The following CEP350 variants were observed in gnomAD, a reference collection of about 807,000 sequenced individuals.
The protein encoded by CEP350 is centrosome-associated protein 350.
CEP350 carries 126 observed loss-of-function variants against 331.8 expected under a neutral mutation model. That is an observed-to-expected ratio of 0.38 (90% confidence interval 0.33 to 0.44). The LOEUF is 0.44. CEP350 is among the 20% of genes least tolerant of loss of function. The pLI is 1.00. For synonymous variants in CEP350, 1,200 were observed against 1,259.5 expected, an observed-to-expected ratio of 0.95 and a Z score of 1.00; for missense variants, 3,406 against 3,634.6, an observed-to-expected ratio of 0.94 and a Z score of 1.62.
rs766520949 is a variant in CEP350, at chr1:180,036,915, A to C, written c.3947-11A>C. On this transcript the variant is annotated splice_polypyrimidine_tract_variant and intron_variant, in intron 16 of 37. Coordinates refer to ENST00000367607, the MANE Select transcript of CEP350 (RefSeq NM_014810.5). ...TTAACTTTTCCATTTGACCATTGTC[A>C]TGCCTTCCAGGTTCTAAGCGCTTTT... The C allele has an allele frequency of 1.3e-6, 2 of 1,526,588 alleles. No homozygotes were observed. The highest frequency in any genetic ancestry group is 4.7e-5 in the East Asian group (2 of 42,568). The allele number at this position is 1,526,588 out of a possible 1,614,324, so 94.6% of individuals were successfully genotyped here. A position where few individuals can be genotyped will look rare whatever the true frequency, so the allele number is the denominator to read the frequency against.
rs962659144 is a variant in CEP350, at chr1:180,112,140, G to A, written c.*979G>A. On this transcript the variant is annotated 3_prime_UTR_variant, in exon 38 of 38. Coordinates refer to ENST00000367607, the MANE Select transcript of CEP350 (RefSeq NM_014810.5). ...GATATTGTCTATTGTTTGTGTGCTTGTTTTGCGCTATGGAACATTTTTTAA... is the reference window on the plus strand; with the variant it reads ...GATATTGTCTATTGTTTGTGTGCTTATTTTGCGCTATGGAACATTTTTTAA... 3.3e-5 allele frequency: 5 copies of A among 152,722 alleles called. No individual in the cohort carries two copies. Among genetic ancestry groups the A allele is most frequent in the Admixed American group, 2.6e-4 (4 of 15,304 alleles). The allele number at this position is 152,722 out of a possible 1,614,324, so 9.5% of individuals were successfully genotyped here.
At chr1:180,065,436 AG>A (rs1208371087) in intron 27 of CEP350, among the ~76,000 whole-genome samples, 164 bp downstream of exon 27, 1 of 152,188 alleles carries the variant, frequency 6.6e-6, no homozygotes, top group Non-Finnish European at 1.5e-5. Context: ...AATTAACTGT[AG>A]ATCTTATTTA....
At chr1:179,981,827 A>T (rs1158574710) in intron 1 of CEP350, among the ~76,000 whole-genome samples, 1 of 151,676 alleles carries the variant, frequency 6.6e-6, no homozygotes, top group Non-Finnish European at 1.5e-5. Context: ...GTGAGACCTC[A>T]TCTCTATAAA....
rs748496638 is a variant in CEP350, at chr1:180,014,300, A to C, written c.1847A>C (p.Lys616Thr). 1.3e-6 allele frequency: 2 copies of C among 1,594,726 alleles called. No individual in the cohort carries two copies. The highest frequency in any genetic ancestry group is 3.6e-5 in the Admixed American group (2 of 56,326). ...ERKRKQNEEK[K>T]AQKEATEQKN... ...AAGAGAAAGCAAAATGAAGAGAAGAAGGCTCAAAAGGAGGCTACAGAACAG... is the reference window on the plus strand; with the variant it reads ...AAGAGAAAGCAAAATGAAGAGAAGACGGCTCAAAAGGAGGCTACAGAACAG... Residue 616 changes from lysine (K) to threonine (T), a missense_variant, in exon 10 of 38, where the codon AAG becomes ACG. By Grantham distance (78) the Lys-to-Thr change is moderately conservative. This residue lies in a region of CEP350 where 1,857 missense variants were observed against 1,909.2 expected (regional missense o/e 0.97). Transcript: ENST00000367607.
intron 27 of CEP350, among the ~76,000 whole-genome samples, chr1:180,072,810 A>G (rs2149052367): frequency 6.6e-6 from 1 of 152,282 alleles, no homozygotes; most frequent in East Asian, 1.9e-4. Context: ...AGATTTTCTC[A>G]CTTCTATGAC....
Position 180,031,424 on chromosome 1 carries a change from T to C in CEP350, c.3655T>C (p.Ser1219Pro), listed in dbSNP as rs781607467. Reference protein sequence around the residue: ...GKKSGTSSKLSVKDFEQTLDT... With the variant: ...GKKSGTSSKLPVKDFEQTLDT... ...GAAATCTGGGACCAGCAGCAAACTT[T>C]CTGTTAAAGATTTTGAGCAGACTCT... The change falls in exon 15 of 38, where the codon TCT (serine) becomes CCT (proline). Residue 1219 changes from serine to proline, a missense_variant. Coordinates refer to ENST00000367607, the MANE Select transcript of CEP350 (RefSeq NM_014810.5). The C allele has an allele frequency of 3.1e-6, 5 of 1,604,416 alleles. No individual in the cohort carries two copies. Among genetic ancestry groups the C allele is most frequent in the East Asian group, 4.5e-5 (2 of 44,406 alleles).
intron 1 of CEP350, among the ~76,000 whole-genome samples, chr1:179,981,676 A>G (rs1366670377): frequency 1.3e-5 from 2 of 152,260 alleles, no homozygotes; most frequent in East Asian, 3.9e-4. Flanking sequence ...CAGGTGCTTC[A>G]TGAGAATAGA....
intron 5 of CEP350, among the ~76,000 whole-genome samples, chr1:179,994,811 T>TAA (rs1653356556): frequency 1.3e-5 from 2 of 152,170 alleles, no homozygotes; most frequent in Non-Finnish European, 1.5e-5. Context: ...TTTTGGGTTG[T>TAA]GGACCCCAGT....
chr1:179,996,894 A>G lies in CEP350; in HGVS notation c.737A>G (p.Asp246Gly), dbSNP rs769031534. 2 of 1,614,062 alleles carry G rather than the reference A, an allele frequency of 1.2e-6. No homozygotes were observed. The highest frequency in any genetic ancestry group is 1.7e-6 in the Non-Finnish European group (2 of 1,179,886). Residue 246 changes from aspartate to glycine, a missense_variant, in exon 6 of 38, where the codon GAT (aspartate) becomes GGT (glycine). Transcript: ENST00000367607. ...LKLSVNNMAH[D>G]TDPKALRLTD... ...CTTTCTGTGAATAACATGGCCCATGATACTGATCCAAAAGCGTTACGACTA... is the reference window on the plus strand; with the variant it reads ...CTTTCTGTGAATAACATGGCCCATGGTACTGATCCAAAAGCGTTACGACTA...
At chr1:179,976,165 C>G (rs1438745639) in intron 1 of CEP350, among the ~76,000 whole-genome samples, 1 of 151,880 alleles carries the variant, frequency 6.6e-6, no homozygotes, top group East Asian at 1.9e-4. Flanking sequence ...GTTTTCTAGA[C>G]AGATACAATT....
At chr1:180,057,972 C>T (rs1157531041) in intron 25 of CEP350, among the ~76,000 whole-genome samples, 2 of 152,190 alleles carry the variant, frequency 1.3e-5, no homozygotes, top group Admixed American at 1.3e-4. Flanking sequence ...AGTTTGAGAT[C>T]TCCTGAGTCT....
At chr1:179,978,039 A>T (rs907517660) in intron 1 of CEP350, among the ~76,000 whole-genome samples, 2 of 151,856 alleles carry the variant, frequency 1.3e-5, no homozygotes, top group African/African-American at 2.4e-5. Flanking sequence ...ATAACAATAA[A>T]AAGTATGGTA....
At chr1:180,104,079 A>G (rs1354209807) in intron 37 of CEP350, among the ~76,000 whole-genome samples, 1 of 147,956 alleles carries the variant, frequency 6.8e-6, no homozygotes, top group Non-Finnish European at 1.5e-5. Context: ...ACAAATATAT[A>G]TATTTTAAAT....
At chr1:180,084,311 TAAAAA>T (rs1196213017) in intron 31 of CEP350, 133 bp downstream of exon 31, 1 of 823,196 alleles carries the variant, frequency 1.2e-6, no homozygotes, top group Non-Finnish European at 1.7e-6. Flanking sequence ...TTTATTCTCT[TAAAAA>T]AAATCTGAGG....
At chr1:179,967,940 A>G (rs904644270) in intron 1 of CEP350, among the ~76,000 whole-genome samples, 6 of 152,156 alleles carry the variant, frequency 3.9e-5, no homozygotes, top group Non-Finnish European at 7.3e-5. Context: ...TTTTGCATTT[A>G]AGAATTGGAT....
rs532161421 is a variant in CEP350, at chr1:180,033,781, T to C, written c.3726-81T>C. On this transcript the variant is annotated intron_variant, in intron 15 of 37. Transcript: ENST00000367607. ...AAAGCTAATGTTGATAGTTTTTTTA[T>C]ATGTTGTTCTTTTGAATTATTTAGC... is the stretch of plus-strand genomic sequence containing the variant. 52 of 1,369,348 alleles carry C rather than the reference T, an allele frequency of 3.8e-5. No individual in the cohort carries two copies. The East Asian group carries it at 7.6e-4, about 20-fold the overall frequency. The allele number at this position is 1,369,348 out of a possible 1,614,324, so 84.8% of individuals were successfully genotyped here. A position where few individuals can be genotyped will look rare whatever the true frequency, so the allele number is the denominator to read the frequency against.
intron 15 of CEP350, 119 bp from the exon 16 acceptor site, chr1:180,033,743 A>G (rs1450731954): frequency 9.8e-7 from 1 of 1,016,992 alleles, no homozygotes; most frequent in Admixed American, 2.8e-5. Context: ...AAATGCCTAA[A>G]TCACAACTTT....
intron 6 of CEP350, among the ~76,000 whole-genome samples, chr1:179,998,917 C>T (rs1404313077): frequency 6.6e-6 from 1 of 152,018 alleles, no homozygotes; most frequent in Non-Finnish European, 1.5e-5. Context: ...CTTTAGAATA[C>T]TGAAGAATTG....
chr1:180,010,714 A>T (rs139634389), intron 8 of CEP350, among the ~76,000 whole-genome samples: 305 of 151,204 alleles, frequency 2.0e-3, no homozygotes, highest in African/African-American at 6.9e-3. Context: ...TGATCCTCCC[A>T]CCTCAGCCTC....
Sources: allele counts gnomAD v4.1 joint callset (sites outside exome capture counted in the v4.1 genomes callset), GRCh38; gene constraint gnomAD v4.1.1; regional missense constraint gnomAD v4.1.1; transcripts MANE v1.5; gene names NCBI Gene and HGNC (gene_info 2026-07-23, HGNC 2026-07-21).